Variants in RNPC3 observed in about 807,000 individuals in gnomAD.
The protein encoded by RNPC3 is RNA binding region (RNP1, RRM) containing 3.
RNPC3 carries 48 observed loss-of-function variants against 67.5 expected under a neutral mutation model. The ratio of observed to expected loss-of-function variants is 0.71; its 90% CI spans 0.56 to 0.90. The LOEUF (loss-of-function observed/expected upper bound fraction) is 0.90. RNPC3 is among the 40% of genes least tolerant of loss of function. The pLI, the probability that RNPC3 is intolerant of heterozygous loss-of-function variation, is 0.00. For synonymous variants in RNPC3, 239 were observed against 210.3 expected, an observed-to-expected ratio of 1.14 and a Z score of -1.18; for missense variants, 637 against 626.1, an observed-to-expected ratio of 1.02 and a Z score of -0.19.
chr1:103,531,608 C>G (rs1043507310), intron 2 of RNPC3, among the ~76,000 whole-genome samples: 3 of 152,068 alleles, frequency 2.0e-5, no homozygotes, highest in African/African-American at 7.2e-5. Flanking sequence ...TGATGTTGAG[C>G]AGTTTTTCAT....
chr1:103,527,641 T>G, intron 1 of RNPC3, 54 bp from the exon 2 acceptor site: 2 of 1,358,502 alleles, frequency 1.5e-6, no homozygotes, highest in Middle Eastern at 3.8e-4. Context: ...TCAGATTTCT[T>G]TGTGAGAAAC....
intron 2 of RNPC3, among the ~76,000 whole-genome samples, chr1:103,532,575 T>C (rs1376062763): frequency 1.3e-5 from 2 of 152,050 alleles, no homozygotes; most frequent in African/African-American, 4.8e-5. Flanking sequence ...CAACATAATA[T>C]GTTGAGAGAG....
intron 6 of RNPC3, 128 bp from the exon 7 acceptor site, chr1:103,537,214 A>G (rs1253958026): frequency 1.6e-6 from 1 of 613,870 alleles, no homozygotes; most frequent in African/African-American, 1.9e-5. Context: ...TGTTCCCTTA[A>G]TATGTGTAGA....
At chr1:103,533,713 G>T (rs1223804937) in intron 2 of RNPC3, 26 bp from the exon 3 acceptor site, 2 of 1,193,434 alleles carry the variant, frequency 1.7e-6, no homozygotes, top group African/African-American at 1.5e-5. Context: ...ATTGTGAAAT[G>T]TTTACTCTTG....
At chr1:103,527,326 C>A (rs1257655898) in intron 1 of RNPC3, among the ~76,000 whole-genome samples, 2 of 152,166 alleles carry the variant, frequency 1.3e-5, no homozygotes, top group Non-Finnish European at 2.9e-5. Context: ...TTAAACTACG[C>A]ATTGTTATGT....
At chr1:103,554,897 G>A (rs553298918) in intron 14 of RNPC3, 137 bp from the exon 15 acceptor site, 3 of 152,208 alleles carry the variant, frequency 2.0e-5, no homozygotes, top group Non-Finnish European at 2.9e-5. Flanking sequence ...CTTTATAAGC[G>A]GTTTATTTAG....
At chr1:103,542,964 G>A (rs1287484765) in intron 8 of RNPC3, among the ~76,000 whole-genome samples, 1 of 151,598 alleles carries the variant, frequency 6.6e-6, no homozygotes, top group Non-Finnish European at 1.5e-5. Flanking sequence ...AACATAGAAT[G>A]CACTGTTTTG....
At chr1:103,544,894 T>A (rs745467059) in intron 9 of RNPC3, 47 bp from the exon 10 acceptor site, 1 of 1,305,330 alleles carries the variant, frequency 7.7e-7, no homozygotes, top group South Asian at 1.5e-5. Context: ...AAAAACTATT[T>A]TTAAAGGAGA....
intron 10 of RNPC3, 27 bp downstream of exon 10, chr1:103,545,129 A>G (rs1298094265): frequency 1.3e-6 from 2 of 1,507,668 alleles, no homozygotes; most frequent in Non-Finnish European, 8.8e-7. Flanking sequence ...AACTAAGCAC[A>G]TATTCCATTT....
At chr1:103,548,868 G>C (rs1651312342) in intron 12 of RNPC3, among the ~76,000 whole-genome samples, 1 of 152,200 alleles carries the variant, frequency 6.6e-6, no homozygotes, top group African/African-American at 2.4e-5. Context: ...ACGAGGCCAG[G>C]GAAGCCTCAC....
intron 1 of RNPC3, among the ~76,000 whole-genome samples, chr1:103,527,241 T>C (rs1650742761): frequency 6.6e-6 from 1 of 152,178 alleles, no homozygotes; most frequent in Non-Finnish European, 1.5e-5. Flanking sequence ...ACTTCTCCCA[T>C]TGAACATTAT....
At position 103,534,783 on chromosome 1, in the gene RNPC3, C is replaced by G. The variant is rs781367732; in HGVS notation, c.369C>G (p.Asp123Glu). ...ATTCTGTATGTCCCAGGTCTGATGA[C>G]CCTGTCGAAGATGATAAAGAAAAAA... ...SGSEKKKRSD[D>E]PVEDDKEKKE... Residue 123 changes from aspartate (D) to glutamate (E), a missense_variant, in exon 4 of 15, where the codon GAC becomes GAG. This residue lies in a region of RNPC3 where 536 missense variants were observed against 500.3 expected (regional missense o/e 1.07). Coordinates refer to ENST00000423855, the MANE Select transcript of RNPC3 (RefSeq NM_017619.4). The G allele has an allele frequency of 4.6e-6, 7 of 1,524,792 alleles. No homozygotes were observed. Among genetic ancestry groups the G allele is most frequent in the Non-Finnish European group, 6.1e-6 (7 of 1,139,294 alleles). 94.5% of individuals were successfully genotyped at this position (1,524,792 alleles called of 1,614,324 possible).
chr1:103,545,176 G>T, intron 10 of RNPC3, 74 bp downstream of exon 10: 2 of 1,216,816 alleles, frequency 1.6e-6, no homozygotes, highest in South Asian at 3.0e-5. Context: ...AAACAAATCT[G>T]TCATGCCATT....
At chr1:103,554,694 T>A (rs1358114134) in intron 14 of RNPC3, 1 of 152,616 alleles carries the variant, frequency 6.6e-6, no homozygotes, top group African/African-American at 2.4e-5. Context: ...CTTATATTAA[T>A]AACTAGGAAA....
chr1:103,531,653 T>C (rs542776500), intron 2 of RNPC3, among the ~76,000 whole-genome samples: 2 of 152,238 alleles, frequency 1.3e-5, no homozygotes, highest in African/African-American at 4.8e-5. Context: ...ATTTTGAGAA[T>C]TGTCTATTCA....
intron 2 of RNPC3, among the ~76,000 whole-genome samples, chr1:103,530,730 C>T (rs1650828980): frequency 6.6e-6 from 1 of 152,044 alleles, no homozygotes; most frequent in African/African-American, 2.4e-5. Flanking sequence ...CAGGGAAATC[C>T]GTTAAAATAT....
At chr1:103,545,599 T>C (rs1651224449) in intron 10 of RNPC3, 1 of 152,584 alleles carries the variant, frequency 6.6e-6, no homozygotes, top group Admixed American at 6.5e-5. Flanking sequence ...GATTGATGTG[T>C]AGCACATAAT....
chr1:103,550,990 A>T lies in RNPC3; in HGVS notation c.1411A>T (p.Ile471Phe). 1 of 1,612,018 alleles carries T rather than the reference A, an allele frequency of 6.2e-7. No homozygotes were observed. The highest frequency in any genetic ancestry group is 1.7e-5 in the Admixed American group (1 of 60,014). The change falls in exon 13 of 15, where the codon ATT becomes TTT. Residue 471 changes from isoleucine to phenylalanine, a missense_variant. Physicochemically the swap from Ile to Phe is conservative, Grantham distance 21. Transcript: ENST00000423855. ...KEGRMKGQAF[I>F]GLPNEKAAAK... ...AGGTCGTATGAAAGGACAAGCTTTCATTGGACTTCCTAATGAAAAAGCAGC... is the reference window on the plus strand; with the variant it reads ...AGGTCGTATGAAAGGACAAGCTTTCTTTGGACTTCCTAATGAAAAAGCAGC...
At chr1:103,528,364 T>C (rs1162715086) in intron 2 of RNPC3, among the ~76,000 whole-genome samples, 2 of 152,204 alleles carry the variant, frequency 1.3e-5, no homozygotes, top group African/African-American at 2.4e-5. Context: ...TATCATGGAT[T>C]GGATGTGCAG....
Sources: gnomAD v4.1 joint callset for allele counts (sites outside exome capture counted in the v4.1 genomes callset) on GRCh38, gnomAD v4.1.1 for gene constraint, gnomAD v4.1.1 regional missense constraint, MANE v1.5 for transcripts, NCBI Gene and HGNC (gene_info 2026-07-23, HGNC 2026-07-21) for gene names.